EPHA5: variants seen among roughly 807,000 people sequenced by gnomAD.
EPHA5 encodes the protein EPH receptor A5, also known as ephrin type-A receptor 5.
A neutral mutation model predicts 105.0 loss-of-function variants in EPHA5; 60 were observed. The observed-to-expected ratio is 0.57, with a 90% CI of 0.46 to 0.71. EPHA5 has a LOEUF of 0.71. Among genes scored for constraint, EPHA5 ranks in the 30% least tolerant of loss-of-function variants. The pLI is 0.00. For missense variants in EPHA5, 1,218 were observed against 1,274.7 expected (o/e 0.96, Z 0.68); for synonymous variants, 513 against 449.1 (o/e 1.14, Z -1.80).
intron 2 of EPHA5, among the ~76,000 whole-genome samples, chr4:65,635,385 T>A (rs1747026424): frequency 6.6e-6 from 1 of 152,142 alleles, no homozygotes; most frequent in East Asian, 1.9e-4. Context: ...TAGAAAAAAA[T>A]TTAAAATGAT....
At chr4:65,420,352 C>T (rs2149035862) in intron 6 of EPHA5, 89 bp downstream of exon 6, 2 of 1,299,450 alleles carry the variant, frequency 1.5e-6, no homozygotes, top group African/African-American at 3.0e-5. Flanking sequence ...CATAAAATTG[C>T]AACATACTCT....
rs182075263 is a variant in EPHA5 at position 65,624,657 on chromosome 4, G to C, written c.246+18706C>G. Among the ~76,000 whole-genome samples the C allele has an allele frequency of 8.2e-4, 125 of 152,206 alleles. No homozygotes were observed. The East Asian group carries it at 9.8e-3, about 12-fold the overall frequency. Reference sequence around the variant, plus strand: ...TTTACTTCATCCCCCTCAATTCTCTGACTGAATGTTACAAAACTCTCTATT... The same window carrying C: ...TTTACTTCATCCCCCTCAATTCTCTCACTGAATGTTACAAAACTCTCTATT... On this transcript the variant is annotated intron_variant, in intron 2 of 16. Transcript: ENST00000613740.
chr4:65,526,012 A>G (rs1021217810), intron 3 of EPHA5, among the ~76,000 whole-genome samples: 1 of 151,842 alleles, frequency 6.6e-6, no homozygotes, highest in Admixed American at 6.6e-5. Context: ...TGTCAATTTC[A>G]TCTTATGATT....
chr4:65,437,089 A>G (rs955180342), intron 5 of EPHA5, among the ~76,000 whole-genome samples: 2 of 151,880 alleles, frequency 1.3e-5, no homozygotes, highest in African/African-American at 2.4e-5. Context: ...GTAAAAACAA[A>G]CAATAATTTC....
chr4:65,370,249 T>C (rs1718326559), intron 8 of EPHA5, among the ~76,000 whole-genome samples: 1 of 152,150 alleles, frequency 6.6e-6, no homozygotes, highest in Non-Finnish European at 1.5e-5. Flanking sequence ...ACTGAAATTG[T>C]ATTTTGTCTT....
intron 13 of EPHA5, 78 bp from the exon 14 acceptor site, chr4:65,348,281 T>A (rs962998650): frequency 1.1e-5 from 14 of 1,313,754 alleles, no homozygotes; most frequent in Non-Finnish European, 1.4e-5. Context: ...ACTGAAAAGA[T>A]CTAGACAGAG....
intron 3 of EPHA5, among the ~76,000 whole-genome samples, chr4:65,555,241 C>A (rs762238684): frequency 6.6e-6 from 1 of 151,650 alleles, no homozygotes; most frequent in African/African-American, 2.4e-5. Context: ...GAGAAATGAA[C>A]AAGAAAAGGC....
intron 16 of EPHA5, among the ~76,000 whole-genome samples, chr4:65,324,936 T>G (rs571171991): frequency 6.6e-6 from 1 of 151,448 alleles, no homozygotes; most frequent in African/African-American, 2.4e-5. Flanking sequence ...TTTAGATTTC[T>G]AAACTAACAA....
At chr4:65,435,808 T>C (rs1409830106) in intron 5 of EPHA5, among the ~76,000 whole-genome samples, 2 of 136,706 alleles carry the variant, frequency 1.5e-5, no homozygotes, top group Non-Finnish European at 3.4e-5. Flanking sequence ...TCTGCAAGCA[T>C]AGAAATGAAG....
intron 3 of EPHA5, among the ~76,000 whole-genome samples, chr4:65,531,239 T>C (rs1257697168): frequency 6.6e-6 from 1 of 150,500 alleles, no homozygotes; most frequent in African/African-American, 2.4e-5. Flanking sequence ...GGGTTTCACC[T>C]TGTTAGCCAG....
At chr4:65,446,670 G>C (rs140163621) in intron 5 of EPHA5, among the ~76,000 whole-genome samples, 1 of 152,260 alleles carries the variant, frequency 6.6e-6, no homozygotes, top group African/African-American at 2.4e-5. Context: ...AAGAGTGTAG[G>C]GATGCTCATG....
Position 65,531,356 on chromosome 4 carries a change from T to A in EPHA5, c.911-35813A>T, listed in dbSNP as rs367796696. Among the ~76,000 whole-genome samples, 73 of 152,250 alleles carry A rather than the reference T, an allele frequency of 4.8e-4. 1 individual carries two copies. In the South Asian group the frequency reaches 0.015, roughly 31 times the overall value. On this transcript the variant is annotated intron_variant, in intron 3 of 16. Transcript: ENST00000613740. ...CCGGCCTTTTTTTTCATTTTTACCCTTTCCTCCTTCCTCCCTGGAAAGTGG... is the reference window on the plus strand; with the variant it reads ...CCGGCCTTTTTTTTCATTTTTACCCATTCCTCCTTCCTCCCTGGAAAGTGG...
At chr4:65,417,332 A>G (rs939966961) in intron 6 of EPHA5, among the ~76,000 whole-genome samples, 1 of 152,122 alleles carries the variant, frequency 6.6e-6, no homozygotes, top group Admixed American at 6.5e-5. Context: ...AGCTTTGAAA[A>G]CCTATCAGGA....
intron 2 of EPHA5, among the ~76,000 whole-genome samples, chr4:65,611,836 G>A (rs1313905475): frequency 6.6e-6 from 1 of 151,536 alleles, no homozygotes; most frequent in African/African-American, 2.4e-5. Context: ...AATGTAAGTG[G>A]CTATATTGCC....
chr4:65,502,415 A>AAT (rs1553927643), intron 3 of EPHA5, among the ~76,000 whole-genome samples: 3,627 of 151,684 alleles, frequency 0.024, 64 homozygotes, highest in Non-Finnish European at 0.033. Context: ...GCAAAAAAAA[A>AAT]ATATATAGCC....
At chr4:65,454,545 T>C (rs2149114704) in intron 5 of EPHA5, among the ~76,000 whole-genome samples, 1 of 152,310 alleles carries the variant, frequency 6.6e-6, no homozygotes, top group Middle Eastern at 3.4e-3. Flanking sequence ...CAACAGCTTC[T>C]AGAATGTACA....
chr4:65,555,120 G>A (rs1738297050), intron 3 of EPHA5, among the ~76,000 whole-genome samples: 1 of 149,932 alleles, frequency 6.7e-6, no homozygotes, highest in East Asian at 2.0e-4. Context: ...TACCAAAGTT[G>A]TCTCTTTTTT....
chr4:65,531,023 TA>T (rs770290505), intron 3 of EPHA5, among the ~76,000 whole-genome samples: 39,954 of 148,310 alleles, frequency 0.27, 5,626 homozygotes, highest in Middle Eastern at 0.33. Context: ...TTATTTTTTT[TA>T]TTTTTTTTAT....
intron 2 of EPHA5, among the ~76,000 whole-genome samples, chr4:65,620,521 A>G (rs1170283418): frequency 6.6e-6 from 1 of 152,216 alleles, no homozygotes; most frequent in Admixed American, 6.5e-5. Flanking sequence ...ATACATATAC[A>G]TATTCACATT....
Sources: allele counts gnomAD v4.1 joint callset (sites outside exome capture counted in the v4.1 genomes callset), GRCh38; gene constraint gnomAD v4.1.1; transcripts MANE v1.5; gene names NCBI Gene and HGNC (gene_info 2026-07-23, HGNC 2026-07-21).